KLHL13: variants seen among roughly 807,000 people sequenced by gnomAD.
The protein encoded by KLHL13 is kelch like family member 13.
A neutral mutation model predicts 37.1 loss-of-function variants in KLHL13; 10 were observed. That is an observed-to-expected ratio of 0.27 (90% CI 0.17 to 0.46). The LOEUF (loss-of-function observed/expected upper bound fraction) is 0.46, where lower values mean the gene tolerates loss of function less well. Among genes scored for constraint, KLHL13 ranks in the 20% least tolerant of loss-of-function variants. KLHL13 has a pLI of 1.00. For missense variants in KLHL13, 360 were observed against 509.3 expected, an observed-to-expected ratio of 0.71 and a Z score of 2.82; for synonymous variants, 163 against 181.2, an observed-to-expected ratio of 0.90 and a Z score of 0.81.
At chrX:117,990,011 G>T (rs1411742242) in intron 1 of KLHL13, among the ~76,000 whole-genome samples, 1 of 111,234 alleles carries the variant, frequency 9.0e-6, no homozygotes, top group Non-Finnish European at 1.9e-5. Flanking sequence ...TATAGGAGGC[G>T]ATTTTGGTGA....
chrX:118,096,728 C>T (rs1218458061), intron 1 of KLHL13, among the ~76,000 whole-genome samples: 1 of 111,567 alleles, frequency 9.0e-6, no homozygotes, highest in East Asian at 2.8e-4. Context: ...AGCTTATCCA[C>T]CATGATCAAG....
At chrX:117,902,219 A>C (rs1000292461) in intron 5 of KLHL13, among the ~76,000 whole-genome samples, 2 of 111,582 alleles carry the variant, frequency 1.8e-5, no homozygotes, top group Admixed American at 1.9e-4. Flanking sequence ...TTTATTCTGT[A>C]ATCTGCTTAC....
chrX:117,996,814 C>A, intron 1 of KLHL13, among the ~76,000 whole-genome samples: 1 of 99,497 alleles, frequency 1.0e-5, no homozygotes, highest in African/African-American at 4.0e-5. Context: ...AAACACTGAT[C>A]AAATCATAGC....
intron 1 of KLHL13, among the ~76,000 whole-genome samples, chrX:118,022,245 C>T: frequency 8.9e-6 from 1 of 111,852 alleles, no homozygotes; most frequent in Middle Eastern, 4.6e-3. Flanking sequence ...ATCCAGTCAT[C>T]CATTGAAAGT....
chrX:117,930,910 C>T (rs745372805), intron 2 of KLHL13, among the ~76,000 whole-genome samples: 1 of 111,957 alleles, frequency 8.9e-6, no homozygotes, highest in East Asian at 2.8e-4. Context: ...ATCATTATGC[C>T]TGTTTCTTAT....
At chrX:118,101,992 T>C (rs1386632753) in intron 1 of KLHL13, among the ~76,000 whole-genome samples, 1 of 111,560 alleles carries the variant, frequency 9.0e-6, no homozygotes, top group Non-Finnish European at 1.9e-5. Context: ...GAAAACAAAC[T>C]AATACAAGTA....
chrX:117,902,139 A>T (rs1012516739), intron 5 of KLHL13, among the ~76,000 whole-genome samples, 193 bp from the exon 7 acceptor site: 1 of 111,178 alleles, frequency 9.0e-6, no homozygotes. Context: ...ATAAACCATT[A>T]GTACATGTTA....
chrX:117,918,134 C>T (rs1047948338), intron 4 of KLHL13, among the ~76,000 whole-genome samples: 6 of 111,376 alleles, frequency 5.4e-5, no homozygotes, highest in Admixed American at 9.6e-5. Context: ...GGGCTACTTT[C>T]GCAATAAAGA....
At chrX:118,025,928 G>A (rs188606259) in intron 1 of KLHL13, among the ~76,000 whole-genome samples, 1 of 111,877 alleles carries the variant, frequency 8.9e-6, no homozygotes, top group Non-Finnish European at 1.9e-5. Flanking sequence ...ATATTTGTGA[G>A]TAGAAGAGAT....
chrX:117,903,179 C>CGA (rs56692141), intron 5 of KLHL13, among the ~76,000 whole-genome samples: 1,194 of 92,243 alleles, frequency 0.013, 18 homozygotes, highest in African/African-American at 0.041. Context: ...GAGAGGAGAG[C>CGA]GAGAGAGAGA....
intron 1 of KLHL13, among the ~76,000 whole-genome samples, chrX:118,011,482 A>C (rs2054068094): frequency 1.8e-5 from 2 of 111,279 alleles, no homozygotes; most frequent in Non-Finnish European, 3.8e-5. Context: ...AGAAGCAAAA[A>C]AAAAAAACAG....
intron 1 of KLHL13, among the ~76,000 whole-genome samples, chrX:118,095,172 C>T (rs1320165455): frequency 9.0e-6 from 1 of 110,688 alleles, no homozygotes; most frequent in African/African-American, 3.3e-5. Flanking sequence ...CACACATAGG[C>T]TCAAAATAAA....
At chrX:118,034,077 C>G (rs2054400168) in intron 1 of KLHL13, among the ~76,000 whole-genome samples, 1 of 101,625 alleles carries the variant, frequency 9.8e-6, no homozygotes, top group South Asian at 4.4e-4. Flanking sequence ...ACAGGAGCAC[C>G]CAGATTCATA....
At chrX:118,020,579 A>T (rs1478801287) in intron 1 of KLHL13, among the ~76,000 whole-genome samples, 13 of 110,872 alleles carry the variant, frequency 1.2e-4, no homozygotes, top group African/African-American at 4.0e-4. Context: ...TGGAAGTCAG[A>T]GTGGCGATTC....
intron 1 of KLHL13, among the ~76,000 whole-genome samples, chrX:118,056,311 A>G (rs1030299924): frequency 1.8e-5 from 2 of 112,152 alleles, no homozygotes; most frequent in East Asian, 5.6e-4. Context: ...ACAGAATAAG[A>G]TCTAAATAAA....
exon 7 of KLHL13, chrX:117,899,377 G>A: frequency 8.4e-7 from 1 of 1,193,343 alleles, no homozygotes; most frequent in Non-Finnish European, 1.1e-6. Context: ...CTTTTGGAAA[G>A]TATCATGAGT....
chrX:118,076,998 G>A (rs1038266355), intron 1 of KLHL13, among the ~76,000 whole-genome samples: 6 of 107,605 alleles, frequency 5.6e-5, no homozygotes, highest in African/African-American at 2.0e-4. Flanking sequence ...GAACAACCCC[G>A]ACTAACACAG....
At chrX:118,024,381 A>G (rs769748288) in intron 1 of KLHL13, among the ~76,000 whole-genome samples, 13 of 111,919 alleles carry the variant, frequency 1.2e-4, no homozygotes, top group Non-Finnish European at 1.9e-4. Flanking sequence ...AGCACCAAGC[A>G]TAACAGAAGA....
intron 1 of KLHL13, among the ~76,000 whole-genome samples, chrX:118,052,419 A>C (rs993969487): frequency 9.5e-6 from 1 of 105,035 alleles, no homozygotes; most frequent in Admixed American, 1.0e-4. Context: ...GCTAGGCGGG[A>C]GGCTGAGGCA....
Sources: gnomAD v4.1 joint callset for allele counts (sites outside exome capture counted in the v4.1 genomes callset) on GRCh38, gnomAD v4.1.1 for gene constraint, MANE v1.5 for transcripts, NCBI Gene and HGNC (gene_info 2026-07-23, HGNC 2026-07-21) for gene names.